Variants in TMED8 observed in about 807,000 individuals in gnomAD.
The protein encoded by TMED8 is transmembrane p24 trafficking protein family member 8, also known as protein TMED8.
TMED8 carries 15 observed loss-of-function variants against 32.7 expected under a neutral mutation model. That is an observed-to-expected ratio of 0.46 (90% confidence interval 0.31 to 0.71). The LOEUF is 0.71. TMED8 is among the 30% of genes least tolerant of loss of function. The pLI, the probability that TMED8 is intolerant of heterozygous loss-of-function variation, is 0.06. For missense variants in TMED8, 390 were observed against 423.9 expected (o/e 0.92, Z 0.70); for synonymous variants, 147 against 161.4 (o/e 0.91, Z 0.68).
rs1892839124 is a variant in TMED8, at chr14:77,339,347, G to A, written c.*2424C>T. The A allele has an allele frequency of 6.6e-6, 1 of 152,222 alleles. No homozygotes were observed. Among genetic ancestry groups the A allele is most frequent in the Non-Finnish European group, 1.5e-5 (1 of 68,050 alleles). 9.4% of individuals were successfully genotyped at this position (152,222 alleles called of 1,614,324 possible). ...ACCAGACCCTAAGAGGCACACAGAG[G>A]TGAGGGGAACAAGTCCCTTAGGCTT... On this transcript the variant is annotated 3_prime_UTR_variant, in exon 6 of 6. Coordinates refer to ENST00000216468, the MANE Select transcript of TMED8 (RefSeq NM_213601.3).
In TMED8 at chr14:77,372,932, ATATATATATATATATATATATTTTTTTTT is replaced by A. The variant is rs1356914347; in HGVS notation, c.118+3975_118+4003del. On this transcript the variant is annotated intron_variant, in intron 1 of 5. Coordinates refer to ENST00000216468, the MANE Select transcript of TMED8 (RefSeq NM_213601.3). Reference sequence around the variant, plus strand: ...TATATATATATATATATATATATATATATATATATATATATATATATTTTTTTTTTTTTTTTTTTTTTTTTTTTTTTGAG... The same window carrying A: ...TATATATATATATATATATATATATATTTTTTTTTTTTTTTTTTTTTTGAG... Among the ~76,000 whole-genome samples, 89 of 32,354 alleles carry A rather than the reference ATATATATATATATATATATATTTTTTTTT, an allele frequency of 2.8e-3. 2 individuals carry two copies. The highest frequency in any genetic ancestry group is 3.8e-3 in the Non-Finnish European group (70 of 18,604). The allele number at this position is 32,354 out of a possible 152,430, so 21.2% of individuals were successfully genotyped here. A position where few individuals can be genotyped will look rare whatever the true frequency, so the allele number is the denominator to read the frequency against.
intron 1 of TMED8, among the ~76,000 whole-genome samples, chr14:77,354,161 C>T (rs1893240760): frequency 6.6e-6 from 1 of 152,128 alleles, no homozygotes; most frequent in African/African-American, 2.4e-5. Context: ...AGGTGTGTTC[C>T]AATCCGTGCA....
chr14:77,368,210 G>A (rs144203701), intron 1 of TMED8, among the ~76,000 whole-genome samples: 4 of 152,318 alleles, frequency 2.6e-5, no homozygotes, highest in Non-Finnish European at 5.9e-5. Context: ...TTAAATTTCA[G>A]TAGATAATGC....
chr14:77,348,846 A>T (rs1040260422), intron 2 of TMED8, among the ~76,000 whole-genome samples: 2 of 152,194 alleles, frequency 1.3e-5, no homozygotes, highest in Non-Finnish European at 2.9e-5. Flanking sequence ...AGAGGAGGTC[A>T]CTCCAAGAAT....
In TMED8 at chr14:77,376,776, T is replaced by C. The variant is rs1468911288; in HGVS notation, c.118+160A>G. The C allele has an allele frequency of 2.7e-6, 1 of 372,022 alleles. No individual in the cohort carries two copies. Among genetic ancestry groups the C allele is most frequent in the Non-Finnish European group, 4.7e-6 (1 of 210,804 alleles). The allele number at this position is 372,022 out of a possible 1,614,324, so 23.0% of individuals were successfully genotyped here. On this transcript the variant is annotated intron_variant, in intron 1 of 5. Transcript: ENST00000216468. The surrounding 1 kb of genome is among the most constrained non-coding windows in gnomAD (Gnocchi z 4.0). ...AATAACCTCGAGCCCAGGGCCCGGG[T>C]GGTGGCAGCGGCGGGGAAGGGGCCC...
At chr14:77,343,153 C>A (rs759318084) in intron 5 of TMED8, 25 bp downstream of exon 5, 1 of 1,603,600 alleles carries the variant, frequency 6.2e-7, no homozygotes, top group Admixed American at 1.7e-5. Context: ...CAGAAAACTG[C>A]AAATTAGGTT....
chr14:77,375,726 C>G (rs1253609568), intron 1 of TMED8, among the ~76,000 whole-genome samples: 2 of 152,102 alleles, frequency 1.3e-5, no homozygotes, highest in Admixed American at 6.6e-5. Flanking sequence ...CAGAAAAAGG[C>G]ACCATGTTGG....
chr14:77,362,938 C>T (rs1893470976), intron 1 of TMED8, among the ~76,000 whole-genome samples: 1 of 152,164 alleles, frequency 6.6e-6, no homozygotes, highest in Non-Finnish European at 1.5e-5. Flanking sequence ...ATTATAAATA[C>T]ATATGCACTC....
In TMED8 at chr14:77,367,060, C is replaced by T. The variant is rs930726412; in HGVS notation, c.118+9876G>A. Among the ~76,000 whole-genome samples the T allele has an allele frequency of 9.9e-5, 15 of 151,790 alleles. 1 individual carries two copies. The East Asian group carries it at 2.9e-3, about 29-fold the overall frequency. On this transcript the variant is annotated intron_variant, in intron 1 of 5. Transcript: ENST00000216468. The stretch of plus-strand genomic sequence containing the variant: ...AGGAGTTCCAGAGCAGCCTGGCCAA[C>T]ATGGTAAAACCCCGCCTCTACTAAA...
Position 77,376,730 on chromosome 14 carries a change from T to G in TMED8, c.118+206A>C, listed in dbSNP as rs1893826735. 1 of 345,526 alleles carries G rather than the reference T, an allele frequency of 2.9e-6. No homozygotes were observed. The highest frequency in any genetic ancestry group is 5.2e-6 in the Non-Finnish European group (1 of 192,636). The allele number at this position is 345,526 out of a possible 1,614,324, so 21.4% of individuals were successfully genotyped here. ...GAAGCGGGGCAGGAATCAAGGCATT[T>G]CGAAACAGGAGTGAGTAGAAAATAA... On this transcript the variant is annotated intron_variant, in intron 1 of 5. Transcript: ENST00000216468. The surrounding 1 kb of genome is among the most constrained non-coding windows in gnomAD (Gnocchi z 4.0).
intron 3 of TMED8, 144 bp downstream of exon 3, chr14:77,346,205 T>G: frequency 1.2e-6 from 1 of 804,396 alleles, no homozygotes; most frequent in Non-Finnish European, 1.9e-6. Flanking sequence ...CAAAAAATAA[T>G]GAAGACCAAG....
chr14:77,368,905 G>C (rs1188514279), intron 1 of TMED8, among the ~76,000 whole-genome samples: 2 of 152,006 alleles, frequency 1.3e-5, no homozygotes, highest in African/African-American at 4.8e-5. Context: ...AAGTACTTTT[G>C]TGTACTCAAA....
At chr14:77,343,049 A>T in intron 5 of TMED8, 129 bp downstream of exon 5, 1 of 916,374 alleles carries the variant, frequency 1.1e-6, no homozygotes, top group Non-Finnish European at 1.6e-6. Context: ...TGTACCACTC[A>T]GCTTAGCTTG....
At position 77,351,668 on chromosome 14, in the gene TMED8, G is replaced by T; in HGVS notation, c.197+5C>A. 1 of 1,611,616 alleles carries T rather than the reference G, an allele frequency of 6.2e-7. No homozygotes were observed. The highest frequency in any genetic ancestry group is 8.5e-7 in the Non-Finnish European group (1 of 1,178,782). On this transcript the variant is annotated splice_donor_5th_base_variant and intron_variant, in intron 2 of 5. Transcript: ENST00000216468. Reference sequence around the variant, plus strand: ...CTGTGAAAGCATTCTATCCAAAGTGGTTACCTGTGGGGTGAGGAGCAGGGT... The same window carrying T: ...CTGTGAAAGCATTCTATCCAAAGTGTTTACCTGTGGGGTGAGGAGCAGGGT...
At chr14:77,353,042 G>C (rs1231932580) in intron 1 of TMED8, among the ~76,000 whole-genome samples, 1 of 152,174 alleles carries the variant, frequency 6.6e-6, no homozygotes, top group Non-Finnish European at 1.5e-5. Flanking sequence ...CTCAAAAGAA[G>C]CCTATGTATG....
At chr14:77,346,828 G>C (rs997315908) in intron 2 of TMED8, among the ~76,000 whole-genome samples, 3 of 130,654 alleles carry the variant, frequency 2.3e-5, no homozygotes, top group Non-Finnish European at 4.7e-5. Context: ...TTGACAAAGT[G>C]TATATATTTA....
chr14:77,374,671 A>C (rs1382303304), intron 1 of TMED8, among the ~76,000 whole-genome samples: 2 of 152,226 alleles, frequency 1.3e-5, no homozygotes, highest in Non-Finnish European at 2.9e-5. Context: ...CAAACTCAGC[A>C]AATATTTGCG....
intron 2 of TMED8, among the ~76,000 whole-genome samples, chr14:77,346,760 G>GTTTTTTTTTTTTT: frequency 7.2e-5 from 5 of 69,440 alleles, no homozygotes; most frequent in African/African-American, 2.1e-4. Context: ...TGCTGGTCTG[G>GTTTTTTTTTTTTT]TTTTTTTTTT....
At chr14:77,371,632 A>T (rs1369431537) in intron 1 of TMED8, among the ~76,000 whole-genome samples, 2 of 152,224 alleles carry the variant, frequency 1.3e-5, no homozygotes, top group Non-Finnish European at 2.9e-5. Flanking sequence ...AGAAAGAAAA[A>T]CATAACTTTA....
Sources: gnomAD v4.1 joint callset for allele counts (sites outside exome capture counted in the v4.1 genomes callset) on GRCh38, gnomAD v4.1.1 for gene constraint, Gnocchi (gnomAD v3.1) non-coding constraint, MANE v1.5 for transcripts, NCBI Gene and HGNC (gene_info 2026-07-23, HGNC 2026-07-21) for gene names.